The following UBE2V2 variants were observed in gnomAD, a reference collection of about 807,000 sequenced individuals.
UBE2V2 encodes ubiquitin conjugating enzyme E2 V2.
In UBE2V2, 9 loss-of-function variants were observed where a neutral mutation model predicts 17.2. The ratio of observed to expected loss-of-function variants is 0.52; its 90% CI spans 0.32 to 0.91. The LOEUF (loss-of-function observed/expected upper bound fraction) is 0.91. UBE2V2 is among the 40% of genes least tolerant of loss of function. The probability of loss-of-function intolerance (pLI) is 0.04; values close to 1 mark genes in which losing one functional copy is unlikely to be tolerated. For synonymous variants in UBE2V2, 61 were observed against 57.5 expected, an observed-to-expected ratio of 1.06 and a Z score of -0.28; for missense variants, 133 against 182.6, an observed-to-expected ratio of 0.73 and a Z score of 1.56.
chr8:48,048,674 T>A (rs1431892546), intron 2 of UBE2V2, among the ~76,000 whole-genome samples: 1 of 152,028 alleles, frequency 6.6e-6, no homozygotes, highest in Non-Finnish European at 1.5e-5. Flanking sequence ...AACATACATA[T>A]AACATTGTTG....
intron 1 of UBE2V2, chr8:48,008,672 C>T (rs1407458833): frequency 8.7e-6 from 5 of 572,726 alleles, no homozygotes; most frequent in Non-Finnish European, 9.4e-6. Context: ...GGGTCGTGCT[C>T]GCGCGTCGGC....
chr8:48,017,845 C>CATTTTTTTTTTTTTT (rs752427224), intron 1 of UBE2V2, among the ~76,000 whole-genome samples: 1 of 144,914 alleles, frequency 6.9e-6, no homozygotes, highest in Non-Finnish European at 1.5e-5. Context: ...TCATAGATTG[C>CATTTTTTTTTTTTTT]CTTTTTTTTT....
chr8:48,037,043 G>A (rs1041946104), intron 1 of UBE2V2, among the ~76,000 whole-genome samples: 2 of 152,136 alleles, frequency 1.3e-5, no homozygotes, highest in Non-Finnish European at 2.9e-5. Flanking sequence ...GCCATGCATC[G>A]TGGCAGGCAC....
chr8:48,055,885 A>G (rs1360492696), intron 3 of UBE2V2, among the ~76,000 whole-genome samples: 1 of 151,788 alleles, frequency 6.6e-6, no homozygotes, highest in Non-Finnish European at 1.5e-5. Flanking sequence ...CAGCCTCCCA[A>G]GTAGCTGGGA....
chr8:48,022,793 T>A (rs903972124), intron 1 of UBE2V2, among the ~76,000 whole-genome samples: 1 of 151,990 alleles, frequency 6.6e-6, no homozygotes, highest in Non-Finnish European at 1.5e-5. Flanking sequence ...AAAGGACAGA[T>A]TTTTTCCTGG....
At chr8:48,021,288 A>AGGCT (rs1248012417) in intron 1 of UBE2V2, among the ~76,000 whole-genome samples, 3 of 143,928 alleles carry the variant, frequency 2.1e-5, no homozygotes, top group Non-Finnish European at 4.5e-5. Flanking sequence ...TGTGTTGGCT[A>AGGCT]GGCTGGTCTC....
At chr8:48,010,399 GT>G (rs934421477) in intron 1 of UBE2V2, among the ~76,000 whole-genome samples, 14,958 of 122,980 alleles carry the variant, frequency 0.12, 1,127 homozygotes, top group African/African-American at 0.25. Flanking sequence ...CCATCTACTA[GT>G]TTTTTTTTTT....
Position 48,031,981 on chromosome 8 carries a change from C to T in UBE2V2, c.17-11052C>T, listed in dbSNP as rs941946335. Among the ~76,000 whole-genome samples the T allele has an allele frequency of 2.6e-5, 4 of 152,164 alleles. No individual in the cohort carries two copies. In the East Asian group the frequency reaches 7.7e-4, roughly 29 times the overall value. ...TTTTTTCTGCTATATTTCATCAATTCTAAAACACATTGAAATATCCGAAGT... is the reference window on the plus strand; with the variant it reads ...TTTTTTCTGCTATATTTCATCAATTTTAAAACACATTGAAATATCCGAAGT... On this transcript the variant is annotated intron_variant, in intron 1 of 3. Coordinates refer to ENST00000523111, the MANE Select transcript of UBE2V2 (RefSeq NM_003350.3).
At chr8:48,002,911 A>C in the UBE2V2 span, among the ~76,000 whole-genome samples, 30 of 151,708 alleles carry the variant, frequency 2.0e-4, no homozygotes, top group Non-Finnish European at 1.6e-4. Flanking sequence ...TCATGTCGTT[A>C]AAAAAGAAAG....
the UBE2V2 span, among the ~76,000 whole-genome samples, chr8:47,999,902 T>G: frequency 1.3e-5 from 2 of 152,222 alleles, no homozygotes; most frequent in African/African-American, 4.8e-5. Context: ...ATGAAAGGGT[T>G]GTGATCGATT....
At chr8:48,016,668 G>C (rs1439134514) in intron 1 of UBE2V2, among the ~76,000 whole-genome samples, 1 of 148,846 alleles carries the variant, frequency 6.7e-6, no homozygotes, top group Admixed American at 6.7e-5. Context: ...TTTTATTAGA[G>C]ACGGGGTTTC....
At chr8:48,047,507 CT>C (rs909613371) in intron 2 of UBE2V2, among the ~76,000 whole-genome samples, 3 of 151,414 alleles carry the variant, frequency 2.0e-5, no homozygotes, top group Non-Finnish European at 4.4e-5. Context: ...TTTTTCTCCT[CT>C]TTTTTTTGCT....
chr8:48,003,230 A>AG, the UBE2V2 span, among the ~76,000 whole-genome samples: 11 of 151,834 alleles, frequency 7.2e-5, no homozygotes, highest in East Asian at 1.2e-3. Flanking sequence ...AAAAAAAAAA[A>AG]AGAGAGAATT....
intron 1 of UBE2V2, among the ~76,000 whole-genome samples, chr8:48,032,546 A>G (rs901462889): frequency 6.6e-6 from 1 of 152,074 alleles, no homozygotes; most frequent in African/African-American, 2.4e-5. Context: ...TGAGCCTGGG[A>G]GTTTGAGACC....
At chr8:48,051,938 A>G (rs2091541687) in intron 3 of UBE2V2, among the ~76,000 whole-genome samples, 1 of 152,178 alleles carries the variant, frequency 6.6e-6, no homozygotes, top group Admixed American at 6.5e-5. Flanking sequence ...CAGCCCTCAC[A>G]GTCCTCAGTT....
rs151180637 is a variant in UBE2V2 at position 48,029,635 on chromosome 8, A to C, written c.17-13398A>C. On this transcript the variant is annotated intron_variant, in intron 1 of 3. Coordinates refer to ENST00000523111, the MANE Select transcript of UBE2V2 (RefSeq NM_003350.3). The stretch of plus-strand genomic sequence containing the variant: ...TGGAATGTTCTTGAAAAGTACAGAC[A>C]GTGCATTGCTTGGTGTACTGCTCTT... Among the ~76,000 whole-genome samples the C allele has an allele frequency of 6.0e-4, 91 of 152,336 alleles. No homozygotes were observed. The East Asian group carries it at 0.014, about 24-fold the overall frequency.
At chr8:48,001,429 T>C in the UBE2V2 span, among the ~76,000 whole-genome samples, 3 of 151,840 alleles carry the variant, frequency 2.0e-5, no homozygotes. Flanking sequence ...GTGAAACCTG[T>C]CTCTACAAAA....
rs1244861580 is a variant in UBE2V2, at chr8:48,008,466, C to T, written c.12C>T (p.Ser4=). The change falls in exon 1 of 4, where the codon TCC becomes TCT. Residue 4 remains serine, a synonymous_variant. Coordinates refer to ENST00000523111, the MANE Select transcript of UBE2V2 (RefSeq NM_003350.3). MAV[S]TGVKVPRNFR... ...GGCTGCAGGAGAAGATGGCGGTCTC[C>T]ACAGGTCGGTTCCCGGGCCGGGCTG... The T allele has an allele frequency of 6.4e-6, 10 of 1,568,344 alleles. No individual in the cohort carries two copies. In the South Asian group the frequency reaches 9.2e-5, roughly 14 times the overall value.
intron 3 of UBE2V2, among the ~76,000 whole-genome samples, chr8:48,053,216 C>A (rs1057028028): frequency 6.6e-6 from 1 of 151,902 alleles, no homozygotes; most frequent in African/African-American, 2.4e-5. Context: ...TATTGATGTT[C>A]CAACTTGAAT....
Sources: allele counts gnomAD v4.1 joint callset (sites outside exome capture counted in the v4.1 genomes callset), GRCh38; gene constraint gnomAD v4.1.1; transcripts MANE v1.5; gene names NCBI Gene and HGNC (gene_info 2026-07-23, HGNC 2026-07-21).